The following RTCA variants were observed in gnomAD, a reference collection of about 807,000 sequenced individuals.
The protein encoded by RTCA is RNA terminal phosphate cyclase domain 1.
A neutral mutation model predicts 46.1 loss-of-function variants in RTCA; 37 were observed. That is an observed-to-expected ratio of 0.80 (90% CI 0.62 to 1.06). RTCA has a LOEUF of 1.06. Among genes scored for constraint, RTCA ranks in the 50% least tolerant of loss-of-function variants. RTCA has a pLI of 0.00. For missense variants in RTCA, 435 were observed against 455.5 expected (o/e 0.95, Z 0.41); for synonymous variants, 164 against 158.3 (o/e 1.04, Z -0.27).
At chr1:100,267,483 A>T in intron 2 of RTCA, 1 of 1,527,246 alleles carries the variant, frequency 6.5e-7, no homozygotes, top group Non-Finnish European at 8.8e-7. Flanking sequence ...AAACAACAGA[A>T]ATTTATTTCC....
Position 100,275,739 on chromosome 1 carries a change from T to TTCC in RTCA, c.740+18_740+20dup. ...ATGGAATAATGTGAGACAATACTTT[T>TTCC]TCCTACACATTAGTTGAGAACCCTA... On this transcript the variant is annotated intron_variant, in intron 7 of 10. Coordinates refer to ENST00000370128, the MANE Select transcript of RTCA (RefSeq NM_003729.4). 1.3e-6 allele frequency: 2 copies of TTCC among 1,598,006 alleles called. No homozygotes were observed. Among genetic ancestry groups the TTCC allele is most frequent in the Non-Finnish European group, 1.7e-6 (2 of 1,173,452 alleles).
chr1:100,288,825 C>A lies in RTCA; in HGVS notation c.999+1622C>A, dbSNP rs374450976. Among the ~76,000 whole-genome samples, 128 of 145,672 alleles carry A rather than the reference C, an allele frequency of 8.8e-4. 1 individual carries two copies. In the East Asian group the frequency reaches 0.017, roughly 19 times the overall value. On this transcript the variant is annotated intron_variant, in intron 10 of 10. Transcript: ENST00000370128. The stretch of plus-strand genomic sequence containing the variant: ...TTTGTATGATGATCCTTTTTCTTTT[C>A]TTTTTTTTTTTCTTAAGATAGAGTC...
intron 8 of RTCA, among the ~76,000 whole-genome samples, chr1:100,283,922 T>TAAAAAAAAAA (rs562483681): frequency 6.2e-4 from 7 of 11,344 alleles, no homozygotes; most frequent in Admixed American, 1.2e-3. Flanking sequence ...ACCTAGTCGC[T>TAAAAAAAAAA]AAAAAAAAAA....
chr1:100,278,788 A>G (rs1174602190), intron 8 of RTCA, among the ~76,000 whole-genome samples: 6 of 152,190 alleles, frequency 3.9e-5, no homozygotes, highest in Non-Finnish European at 7.3e-5. Flanking sequence ...ACTCACATAA[A>G]TGAATTCTGT....
At chr1:100,276,399 C>G (rs1666380227) in intron 7 of RTCA, among the ~76,000 whole-genome samples, 1 of 152,138 alleles carries the variant, frequency 6.6e-6, no homozygotes. Context: ...AGACTAGAGG[C>G]CAGGCGCGGT....
intron 9 of RTCA, among the ~76,000 whole-genome samples, chr1:100,285,566 G>GAAAT (rs1346246145): frequency 6.6e-5 from 10 of 152,166 alleles, no homozygotes; most frequent in African/African-American, 2.4e-4. Context: ...CTTGGTTTCT[G>GAAAT]AAATACTGTT....
intron 9 of RTCA, among the ~76,000 whole-genome samples, chr1:100,285,747 G>A (rs977615596): frequency 5.9e-5 from 9 of 152,050 alleles, no homozygotes; most frequent in Non-Finnish European, 8.8e-5. Context: ...AGCTTCCTGA[G>A]TAGCTAGGCC....
rs1665764242 is a variant in RTCA, at chr1:100,266,290, A to G, written c.-86A>G. 1 of 1,539,208 alleles carries G rather than the reference A, an allele frequency of 6.5e-7. No homozygotes were observed. The highest frequency in any genetic ancestry group is 8.8e-7 in the Non-Finnish European group (1 of 1,135,694). On this transcript the variant is annotated 5_prime_UTR_variant, in exon 1 of 11. The change abolishes the stop of an existing upstream ORF in the 5' untranslated region. Transcript: ENST00000370128. ...CCCCAGGCATGAACCAAGGTTTCTGAACTACTGGGCGGGAGCCAACGTCTC... is the reference window on the plus strand; with the variant it reads ...CCCCAGGCATGAACCAAGGTTTCTGGACTACTGGGCGGGAGCCAACGTCTC...
rs1156596551 is a variant in RTCA at position 100,266,626 on chromosome 1, T to G, written c.146+2T>G. On this transcript the variant is annotated splice_donor_variant, in intron 2 of 10. Transcript: ENST00000370128. LOFTEE classifies it high-confidence loss of function. ...CGGCCGGAGCACGCCAGGCCTGAGG[T>G]AAATCTGGCTGGAGGGGGAGTTGGG... 1.1e-5 allele frequency: 18 copies of G among 1,605,872 alleles called. No individual in the cohort carries two copies. The highest frequency in any genetic ancestry group is 1.4e-5 in the Non-Finnish European group (16 of 1,175,344).
At position 100,291,423 on chromosome 1, in the gene RTCA, A is replaced by T. The variant is rs1477922237; in HGVS notation, c.1020A>T (p.Lys340Asn). The T allele has an allele frequency of 6.8e-6, 11 of 1,611,162 alleles. No individual in the cohort carries two copies. The Admixed American group carries it at 1.8e-4, about 27-fold the overall frequency. Residue 340 changes from lysine to asparagine, a missense_variant, in exon 11 of 11, where the codon AAA (lysine) becomes AAT (asparagine). Lys to Asn is a moderately conservative substitution (Grantham distance 94, BLOSUM62 0). Coordinates refer to ENST00000370128, the MANE Select transcript of RTCA (RefSeq NM_003729.4). ...QIAKAKFIVK[K>N]SEDEEDAAKD... ...TTCAGGCTAAATTTATTGTGAAGAA[A>T]TCAGAAGATGAAGAAGACGCCGCTA... is the stretch of plus-strand genomic sequence containing the variant.
At chr1:100,271,219 A>C (rs1252255907) in intron 4 of RTCA, among the ~76,000 whole-genome samples, 3 of 151,930 alleles carry the variant, frequency 2.0e-5, no homozygotes, top group African/African-American at 7.2e-5. Flanking sequence ...TGAGGTAGGC[A>C]GATCACTTGA....
At chr1:100,274,501 C>T (rs1180025618) in intron 5 of RTCA, among the ~76,000 whole-genome samples, 1 of 152,144 alleles carries the variant, frequency 6.6e-6, no homozygotes, top group Non-Finnish European at 1.5e-5. Context: ...GTATATGTTC[C>T]ATATCTATGC....
At chr1:100,288,096 G>T (rs528379450) in intron 10 of RTCA, among the ~76,000 whole-genome samples, 3 of 152,182 alleles carry the variant, frequency 2.0e-5, no homozygotes, top group Middle Eastern at 3.4e-3. Context: ...GCCTGGCCTG[G>T]ATTGTTAATT....
In RTCA at chr1:100,285,358, G is replaced by A. The variant is rs1263931055; in HGVS notation, c.894+36G>A. On this transcript the variant is annotated intron_variant, in intron 9 of 10. Transcript: ENST00000370128. Reference sequence around the variant, plus strand: ...ATTTAGGTTAAAAACCCTCTAACCTGTTAGATTTGAATATGTGGTAGATTG... The same window carrying A: ...ATTTAGGTTAAAAACCCTCTAACCTATTAGATTTGAATATGTGGTAGATTG... 9.9e-6 allele frequency: 14 copies of A among 1,409,474 alleles called. No individual in the cohort carries two copies. In the East Asian group the frequency reaches 3.2e-4, roughly 32 times the overall value. The allele number at this position is 1,409,474 out of a possible 1,614,324, so 87.3% of individuals were successfully genotyped here.
At chr1:100,275,115 C>G (rs1666302844) in intron 6 of RTCA, 150 bp downstream of exon 6, 1 of 795,908 alleles carries the variant, frequency 1.3e-6, no homozygotes, top group African/African-American at 1.7e-5. Context: ...AGCTGGAGGC[C>G]ATTATCCTAA....
At chr1:100,274,312 A>G (rs1320434446) in intron 5 of RTCA, among the ~76,000 whole-genome samples, 2 of 152,322 alleles carry the variant, frequency 1.3e-5, no homozygotes, top group African/African-American at 4.8e-5. Flanking sequence ...AATTAATTGA[A>G]TTAAAACTTT....
At chr1:100,275,073 A>G in intron 6 of RTCA, 108 bp downstream of exon 6, 5 of 1,159,642 alleles carry the variant, frequency 4.3e-6, no homozygotes, top group Non-Finnish European at 6.0e-6. Flanking sequence ...TTTTAAGGAA[A>G]GAAATAATGT....
intron 9 of RTCA, among the ~76,000 whole-genome samples, chr1:100,286,454 C>CAA (rs754851046): frequency 0.022 from 940 of 43,258 alleles, 13 homozygotes; most frequent in Middle Eastern, 0.035. Flanking sequence ...GACTCCGTCT[C>CAA]AAAAAAAAAA....
At chr1:100,290,033 A>G (rs947974068) in intron 10 of RTCA, among the ~76,000 whole-genome samples, 2 of 152,238 alleles carry the variant, frequency 1.3e-5, no homozygotes, top group Non-Finnish European at 2.9e-5. Flanking sequence ...CTAATTAATT[A>G]ATATGGTTAC....
Sources: allele counts gnomAD v4.1 joint callset (sites outside exome capture counted in the v4.1 genomes callset), GRCh38; gene constraint gnomAD v4.1.1; transcripts MANE v1.5; gene names NCBI Gene and HGNC (gene_info 2026-07-23, HGNC 2026-07-21).